AHI1: variants seen among roughly 807,000 people sequenced by gnomAD.
The protein encoded by AHI1 is jouberin.
A neutral mutation model predicts 149.3 loss-of-function variants in AHI1; 123 were observed. The observed-to-expected ratio is 0.82, with a 90% confidence interval of 0.71 to 0.96. AHI1 has a LOEUF of 0.96. Ranked by LOEUF, AHI1 falls within the 40% of genes least tolerant of loss-of-function variation. The pLI is 0.00. For missense variants in AHI1, 1,439 were observed against 1,422.7 expected (o/e 1.01, Z -0.18); for synonymous variants, 475 against 459.8 (o/e 1.03, Z -0.42).
At chr6:135,421,949 TGTATAA>T (rs758042400) in intron 20 of AHI1, among the ~76,000 whole-genome samples, 31 of 152,274 alleles carry the variant, frequency 2.0e-4, no homozygotes, top group Non-Finnish European at 3.5e-4. Context: ...GACATAATCT[TGTATAA>T]GTATGAGAAT....
chr6:135,348,059 G>A (rs952690452), intron 24 of AHI1, among the ~76,000 whole-genome samples: 2 of 152,128 alleles, frequency 1.3e-5, no homozygotes, highest in East Asian at 1.9e-4. Context: ...TGTTAGTGAC[G>A]GCCGTGTGGC....
At chr6:135,311,192 CTCGGGAGACTGAGGCAGGAGAA>C (rs1295680272) in intron 26 of AHI1, among the ~76,000 whole-genome samples, 1 of 150,912 alleles carries the variant, frequency 6.6e-6, no homozygotes, top group Non-Finnish European at 1.5e-5. Context: ...GTCCAAGCCA[CTCGGGAGACTGAGGCAGGAGAA>C]TCACTTGAAC....
chr6:135,318,658 C>T (rs746002430), intron 25 of AHI1, 42 bp from the exon 26 acceptor site: 2 of 1,337,436 alleles, frequency 1.5e-6, no homozygotes, highest in African/African-American at 1.5e-5. Flanking sequence ...AATTGAGGAG[C>T]ACTGCTCCAT....
intron 5 of AHI1, among the ~76,000 whole-genome samples, chr6:135,483,111 G>A (rs1430062213): frequency 6.6e-6 from 1 of 150,950 alleles, no homozygotes; most frequent in Non-Finnish European, 1.5e-5. Context: ...TGTTGGCCAG[G>A]CTGGTCTTGA....
At chr6:135,441,169 A>T (rs1786237600) in intron 14 of AHI1, among the ~76,000 whole-genome samples, 1 of 152,156 alleles carries the variant, frequency 6.6e-6, no homozygotes, top group African/African-American at 2.4e-5. Flanking sequence ...TAGAAATTTT[A>T]CAGTTGAAAA....
chr6:135,453,669 T>A (rs1469392738), intron 10 of AHI1, among the ~76,000 whole-genome samples: 1 of 152,170 alleles, frequency 6.6e-6, no homozygotes, highest in African/African-American at 2.4e-5. Flanking sequence ...TTATTTCAAA[T>A]CCAAAGCAAA....
chr6:135,461,086 T>C (rs1273568172), intron 8 of AHI1, among the ~76,000 whole-genome samples: 1 of 150,982 alleles, frequency 6.6e-6, no homozygotes, highest in Non-Finnish European at 1.5e-5. Flanking sequence ...AAAATTTCTG[T>C]TTTTCAAAAG....
chr6:135,473,209 T>C (rs983084246), intron 5 of AHI1, among the ~76,000 whole-genome samples: 14 of 152,158 alleles, frequency 9.2e-5, no homozygotes, highest in African/African-American at 3.1e-4. Flanking sequence ...AAGATTATCC[T>C]TGCCTTTAGT....
At chr6:135,366,028 G>A (rs1774117889) in intron 23 of AHI1, among the ~76,000 whole-genome samples, 1 of 152,090 alleles carries the variant, frequency 6.6e-6, no homozygotes, top group South Asian at 2.1e-4. Flanking sequence ...AAGGACGCTG[G>A]ATTTTGTCAA....
intron 13 of AHI1, among the ~76,000 whole-genome samples, chr6:135,445,729 T>C (rs1156786606): frequency 1.3e-5 from 2 of 152,038 alleles, no homozygotes; most frequent in Non-Finnish European, 2.9e-5. Context: ...CATGCCACCA[T>C]GCCCACCTAA....
At chr6:135,345,460 A>T (rs1163748863) in intron 24 of AHI1, among the ~76,000 whole-genome samples, 1 of 152,232 alleles carries the variant, frequency 6.6e-6, no homozygotes, top group Non-Finnish European at 1.5e-5. Context: ...AATGTAGCAT[A>T]TCCATATACT....
intron 23 of AHI1, among the ~76,000 whole-genome samples, chr6:135,361,683 ACACACACAC>A (rs1793903952): frequency 6.8e-6 from 1 of 148,088 alleles, no homozygotes; most frequent in Admixed American, 6.6e-5. Flanking sequence ...ACACACACAC[ACACACACAC>A]ACGTGTGTAT....
chr6:135,398,074 T>C (rs1258435413), intron 22 of AHI1, among the ~76,000 whole-genome samples: 2 of 150,734 alleles, frequency 1.3e-5, no homozygotes, highest in African/African-American at 2.4e-5. Context: ...TTTTTTTTTT[T>C]TTTTTTGCAA....
At chr6:135,435,564 A>G (rs1785273163) in intron 15 of AHI1, among the ~76,000 whole-genome samples, 1 of 152,210 alleles carries the variant, frequency 6.6e-6, no homozygotes, top group South Asian at 2.1e-4. Context: ...TGGGTAAAGC[A>G]AAGGGTACAA....
At chr6:135,469,234 C>G (rs1168472706) in intron 5 of AHI1, among the ~76,000 whole-genome samples, 2 of 152,118 alleles carry the variant, frequency 1.3e-5, no homozygotes, top group Non-Finnish European at 2.9e-5. Context: ...TAATTCATCA[C>G]ATGAACAGAA....
chr6:135,449,590 A>G (rs1486941299), intron 11 of AHI1, among the ~76,000 whole-genome samples: 1 of 152,202 alleles, frequency 6.6e-6, no homozygotes, highest in African/African-American at 2.4e-5. Flanking sequence ...TTACTTGTAG[A>G]CTCATGTAAC....
intron 23 of AHI1, among the ~76,000 whole-genome samples, chr6:135,379,958 C>T: frequency 2.3e-5 from 2 of 86,412 alleles, no homozygotes; most frequent in South Asian, 6.2e-4. Context: ...CCTTCCCCTT[C>T]TCCCTCCCTC....
chr6:135,374,174 C>T (rs577547297), intron 23 of AHI1, among the ~76,000 whole-genome samples: 1 of 132,828 alleles, frequency 7.5e-6, no homozygotes, highest in East Asian at 2.2e-4. Flanking sequence ...AGTGCAGTGG[C>T]GCAATCTCGG....
At chr6:135,292,268 T>A (rs547745855) in intron 27 of AHI1, among the ~76,000 whole-genome samples, 17 of 152,278 alleles carry the variant, frequency 1.1e-4, no homozygotes, top group Non-Finnish European at 2.1e-4. Flanking sequence ...CGTGTCTATA[T>A]GGTCTTAAAT....
Sources: gnomAD v4.1 joint callset for allele counts (sites outside exome capture counted in the v4.1 genomes callset) on GRCh38, gnomAD v4.1.1 for gene constraint, MANE v1.5 for transcripts, NCBI Gene and HGNC (gene_info 2026-07-23, HGNC 2026-07-21) for gene names.